The following PASK variants were observed in gnomAD, a reference collection of about 807,000 sequenced individuals.
PASK encodes PAS domain containing serine/threonine kinase.
A neutral mutation model predicts 121.0 loss-of-function variants in PASK; 110 were observed. That is an observed-to-expected ratio of 0.91 (90% confidence interval 0.78 to 1.06). The LOEUF (loss-of-function observed/expected upper bound fraction) is 1.06. Among genes scored for constraint, PASK ranks in the 50% least tolerant of loss-of-function variants. The probability of loss-of-function intolerance (pLI) is 0.00; values close to 1 mark genes in which losing one functional copy is unlikely to be tolerated. For synonymous variants in PASK, 686 were observed against 717.8 expected (o/e 0.96, Z 0.71); for missense variants, 1,643 against 1,702.3 (o/e 0.97, Z 0.61).
Position 241,126,274 on chromosome 2 carries a change from C to T in PASK, c.2641G>A (p.Gly881Arg), listed in dbSNP as rs1433216112. The T allele has an allele frequency of 1.9e-6, 3 of 1,614,132 alleles. No homozygotes were observed. The highest frequency in any genetic ancestry group is 1.7e-5 in the Admixed American group (1 of 60,028). Residue 881 changes from glycine (G) to arginine (R), a missense_variant, in exon 10 of 18, where the codon GGG becomes AGG. Gly to Arg is a moderately radical substitution (Grantham distance 125). Around this residue, in one of 3 missense-constraint regions of PASK, gnomAD observed 1,176 missense variants for 1,162.2 expected, o/e 1.01. Transcript: ENST00000234040. ...VTSTPVIVMR[G>R]AAGLQREIQE... is the part of the protein sequence containing the mutation. ...ATCTCCCGCTGCAGGCCAGCAGCCC[C>T]GCGCATCACGATCACGGGCGTGGAG...
At chr2:241,119,925 G>A (rs944630521) in intron 12 of PASK, among the ~76,000 whole-genome samples, 2 of 152,078 alleles carry the variant, frequency 1.3e-5, no homozygotes, top group African/African-American at 4.8e-5. Context: ...GGGAACATGT[G>A]TATGTTTGTG....
rs202240278 is a variant in PASK at position 241,139,992 on chromosome 2, G to A, written c.493C>T (p.Gln165Ter). Residue 165 changes from glutamine (Q) to a stop codon, truncating the protein, a stop_gained, in exon 4 of 18, where the codon CAG (glutamine) becomes TAG (stop). Coordinates refer to ENST00000234040, the MANE Select transcript of PASK (RefSeq NM_015148.4). LOFTEE classifies it high-confidence loss of function. Reference sequence around the variant, plus strand: ...CTCAGAAAGAACTGCGTGAGCTTCTGGCCAATCAGGTCCTGGCTGCTGTAC... The same window carrying A: ...CTCAGAAAGAACTGCGTGAGCTTCTAGCCAATCAGGTCCTGGCTGCTGTAC... The part of the protein sequence containing the change: ...LGYSSQDLIG[Q>*]KLTQFFLRSD... 8.1e-6 allele frequency: 13 copies of A among 1,614,000 alleles called. No individual in the cohort carries two copies. The highest frequency in any genetic ancestry group is 1.1e-5 in the Non-Finnish European group (13 of 1,179,808).
At chr2:241,114,273 C>T (rs903063675) in intron 14 of PASK, 19 of 985,322 alleles carry the variant, frequency 1.9e-5, no homozygotes, top group East Asian at 2.3e-4. Flanking sequence ...CCCAACAACC[C>T]GAGAGTGTGT....
At chr2:241,129,364 G>A (rs1232844362) in intron 9 of PASK, among the ~76,000 whole-genome samples, 1 of 152,084 alleles carries the variant, frequency 6.6e-6, no homozygotes, top group Non-Finnish European at 1.5e-5. Context: ...CAAAACCCTT[G>A]GGCCAGATGT....
rs1414458014 is a variant in PASK at position 241,126,434 on chromosome 2, C to T, written c.2481G>A (p.Glu827=). The part of the protein sequence containing the change: ...CVGHDPTEPL[E]VCLVSSEHYA... ...AATGCTCAGAGGACACCAAACAAAC[C>T]TCAAGCGGTTCTGTTGGATCATGTC... The change falls in exon 10 of 18, where the codon GAG becomes GAA. Residue 827 remains glutamate (E), a synonymous_variant. Coordinates refer to ENST00000234040, the MANE Select transcript of PASK (RefSeq NM_015148.4). 3.7e-5 allele frequency: 60 copies of T among 1,614,256 alleles called. No individual in the cohort carries two copies. The highest frequency in any genetic ancestry group is 4.8e-5 in the Non-Finnish European group (57 of 1,180,050).
rs200076810 is a variant in PASK at position 241,127,004 on chromosome 2, C to A, written c.1911G>T (p.Ser637=). ...APSPSGMAGL[S]FGTPTLDEPW... ...GCTCATCTAGAGTAGGTGTCCCAAA[C>A]GAGAGGCCTGCCATCCCAGAGGGGC... Residue 637 remains serine (S), a synonymous_variant, in exon 10 of 18, where the codon TCG becomes TCT. Coordinates refer to ENST00000234040, the MANE Select transcript of PASK (RefSeq NM_015148.4). The A allele has an allele frequency of 1.4e-5, 22 of 1,614,126 alleles. No individual in the cohort carries two copies. The Admixed American group carries it at 3.5e-4, about 26-fold the overall frequency.
At chr2:241,117,260 A>T (rs528119996) in intron 12 of PASK, among the ~76,000 whole-genome samples, 26 of 152,352 alleles carry the variant, frequency 1.7e-4, no homozygotes, top group South Asian at 4.1e-4. Flanking sequence ...AGACCCTTTG[A>T]CGGGAGGGTC....
intron 14 of PASK, 65 bp downstream of exon 14, chr2:241,114,978 T>C (rs764397555): frequency 1.2e-6 from 2 of 1,613,312 alleles, no homozygotes; most frequent in South Asian, 1.1e-5. Flanking sequence ...CACTGATCTT[T>C]GCAGCCACCG....
At chr2:241,136,440 C>T (rs1412756864) in intron 7 of PASK, among the ~76,000 whole-genome samples, 1 of 152,002 alleles carries the variant, frequency 6.6e-6, no homozygotes, top group Non-Finnish European at 1.5e-5. Flanking sequence ...CCTCCCAGGC[C>T]AGGAGCTGCT....
chr2:241,129,296 C>T (rs1034823444), intron 9 of PASK, among the ~76,000 whole-genome samples: 2 of 152,196 alleles, frequency 1.3e-5, no homozygotes, highest in Admixed American at 1.3e-4. Flanking sequence ...CCTTAGCGGG[C>T]TGCTGCAGCC....
chr2:241,148,517 A>G (rs999089505), intron 1 of PASK, among the ~76,000 whole-genome samples: 1 of 152,216 alleles, frequency 6.6e-6, no homozygotes. Context: ...AAAGCCTCCC[A>G]GAGAGGAGTT....
At position 241,122,755 on chromosome 2, in the gene PASK, C is replaced by A; in HGVS notation, c.3049G>T (p.Val1017Leu). 1 of 1,614,164 alleles carries A rather than the reference C, an allele frequency of 6.2e-7. No individual in the cohort carries two copies. The highest frequency in any genetic ancestry group is 8.5e-7 in the Non-Finnish European group (1 of 1,180,004). ...SGAFGFVWTA[V>L]DKEKNKEVVV... ...ACCTCCTTGTTTTTTTCCTTGTCCA[C>A]AGCAGTCCACACGAAGCCGAAGGCC... The change falls in exon 12 of 18, where the codon GTG becomes TTG. Residue 1017 changes from valine to leucine, a missense_variant. Around this residue, in one of 3 missense-constraint regions of PASK, gnomAD observed 453 missense variants for 511.2 expected, o/e 0.89. Transcript: ENST00000234040.
chr2:241,148,561 G>T (rs2067091607), intron 1 of PASK, among the ~76,000 whole-genome samples: 1 of 152,186 alleles, frequency 6.6e-6, no homozygotes, highest in African/African-American at 2.4e-5. Context: ...CGTGGGCCTG[G>T]AAGGGCCAAG....
chr2:241,120,622 G>T (rs1418843377), intron 12 of PASK, among the ~76,000 whole-genome samples: 1 of 152,102 alleles, frequency 6.6e-6, no homozygotes, highest in South Asian at 2.1e-4. Context: ...CATAACCACA[G>T]TGAGCTACCC....
intron 1 of PASK, among the ~76,000 whole-genome samples, chr2:241,143,594 C>T (rs1406972300): frequency 1.3e-5 from 2 of 151,210 alleles, no homozygotes; most frequent in Non-Finnish European, 2.9e-5. Context: ...AAGAAAAATA[C>T]ATAGGAAGAT....
chr2:241,132,938 T>A lies in PASK; in HGVS notation c.1399A>T (p.Thr467Ser), dbSNP rs766018375. The A allele has an allele frequency of 3.7e-6, 6 of 1,613,826 alleles. No homozygotes were observed. Among genetic ancestry groups the A allele is most frequent in the East Asian group, 2.2e-5 (1 of 44,898 alleles). ...CCTCCAGCAATCAGCTCAGTCTGAG[T>A]CCCGGTGAAGATGTCTTGGCTTTCC... ...LMESQDIFTGTQTELIAGGQL... is the reference protein window; with the variant it reads ...LMESQDIFTGSQTELIAGGQL... Residue 467 changes from threonine to serine, a missense_variant, in exon 9 of 18, where the codon ACT becomes TCT. Thr to Ser is a moderately conservative substitution (Grantham distance 58). This residue lies in a region of PASK where 1,176 missense variants were observed against 1,162.2 expected (regional missense o/e 1.01). Transcript: ENST00000234040.
intron 10 of PASK, among the ~76,000 whole-genome samples, chr2:241,125,800 CCTGT>C (rs1196642095): frequency 2.0e-5 from 3 of 152,082 alleles, no homozygotes; most frequent in Non-Finnish European, 4.4e-5. Flanking sequence ...TCCCTCTCGG[CCTGT>C]CTGTGTGACC....
intron 12 of PASK, among the ~76,000 whole-genome samples, chr2:241,120,083 GAC>G (rs2065541329): frequency 6.6e-6 from 1 of 151,978 alleles, no homozygotes; most frequent in South Asian, 2.1e-4. Flanking sequence ...AAAGTGAAAA[GAC>G]AACACATTTA....
At chr2:241,115,220 T>C in intron 13 of PASK, 43 bp from the exon 14 acceptor site, 2 of 1,613,998 alleles carry the variant, frequency 1.2e-6, no homozygotes, top group Non-Finnish European at 1.7e-6. Flanking sequence ...CAAAACATCT[T>C]CAAGTCAACA....
Sources: gnomAD v4.1 joint callset for allele counts (sites outside exome capture counted in the v4.1 genomes callset) on GRCh38, gnomAD v4.1.1 for gene constraint, gnomAD v4.1.1 regional missense constraint, MANE v1.5 for transcripts, NCBI Gene and HGNC (gene_info 2026-07-23, HGNC 2026-07-21) for gene names.